TMC7: variants seen among roughly 807,000 people sequenced by gnomAD.
The protein encoded by TMC7 is transmembrane channel like 7.
A neutral mutation model predicts 82.9 loss-of-function variants in TMC7; 54 were observed. The observed-to-expected ratio is 0.65, with a 90% CI of 0.52 to 0.82. The LOEUF is 0.82. Ranked by LOEUF, TMC7 falls within the 40% of genes least tolerant of loss-of-function variation. The pLI, the probability that TMC7 is intolerant of heterozygous loss-of-function variation, is 0.00. For missense variants in TMC7, 820 were observed against 901.2 expected, an observed-to-expected ratio of 0.91 and a Z score of 1.15; for synonymous variants, 350 against 337.9, an observed-to-expected ratio of 1.04 and a Z score of -0.39.
chr16:19,060,335 G>A (rs1961948071), intron 15 of TMC7, among the ~76,000 whole-genome samples: 1 of 152,028 alleles, frequency 6.6e-6, no homozygotes, highest in African/African-American at 2.4e-5. Context: ...CTCCCAAGTA[G>A]CTGGGACTAC....
intron 12 of TMC7, among the ~76,000 whole-genome samples, chr16:19,047,543 C>A (rs954117967): frequency 6.6e-6 from 1 of 150,896 alleles, no homozygotes; most frequent in Non-Finnish European, 1.5e-5. Context: ...ACTACAGGAG[C>A]CTGCCACTGC....
intron 1 of TMC7, among the ~76,000 whole-genome samples, chr16:18,989,659 C>G (rs1486927578): frequency 6.7e-6 from 1 of 149,312 alleles, no homozygotes; most frequent in Non-Finnish European, 1.5e-5. Flanking sequence ...TCTCTGCTTT[C>G]ATGGAGCTTC....
chr16:19,042,398 C>T (rs1961053505), intron 9 of TMC7, among the ~76,000 whole-genome samples: 1 of 152,094 alleles, frequency 6.6e-6, no homozygotes, highest in African/African-American at 2.4e-5. Flanking sequence ...TGTTCTCAAA[C>T]TCCTGGGCTC....
chr16:19,030,195 C>A, intron 5 of TMC7, 29 bp from the exon 6 acceptor site: 2 of 1,601,980 alleles, frequency 1.2e-6, no homozygotes, highest in South Asian at 2.2e-5. Flanking sequence ...GCTGACCAGT[C>A]TGACTTCATG....
At position 19,062,505 on chromosome 16, in the gene TMC7, A is replaced by G. The variant is rs1962050120; in HGVS notation, c.*662A>G. 6.6e-6 allele frequency: 1 copy of G among 152,510 alleles called. No individual in the cohort carries two copies. 9.4% of individuals were successfully genotyped at this position (152,510 alleles called of 1,614,324 possible). The stretch of plus-strand genomic sequence containing the variant: ...GCTGGGTGTGGTGGCACATGCCTGT[A>G]ATATCAGCTACTCAGGAGGCTGAGG... On this transcript the variant is annotated 3_prime_UTR_variant, in exon 16 of 16. Transcript: ENST00000304381.
chr16:19,037,955 CTG>C lies in TMC7; in HGVS notation c.1089_1090del (p.Leu365GlufsTer67). 6.2e-7 allele frequency: 1 copy of C among 1,614,080 alleles called. No homozygotes were observed. Among genetic ancestry groups the C allele is most frequent in the South Asian group, 1.1e-5 (1 of 91,058 alleles). On this transcript the variant is annotated frameshift_variant, in exon 8 of 16. Transcript: ENST00000304381. LOFTEE classifies it high-confidence loss of function. ...EETIRIYSLR[L>X]FLNCIVLAVL... Reference sequence around the variant, plus strand: ...AACAATACGCATTTACTCTTTGAGACTGTTTTTGAACTGTATTGTTCTGGCTG... The same window carrying C: ...AACAATACGCATTTACTCTTTGAGACTTTTTGAACTGTATTGTTCTGGCTG...
chr16:19,059,627 C>CT, intron 15 of TMC7, 133 bp downstream of exon 15: 1 of 1,582,152 alleles, frequency 6.3e-7, no homozygotes. Flanking sequence ...AAAACTCTGC[C>CT]TTGAGGCCCA....
At chr16:18,999,298 C>T (rs1201244074) in intron 1 of TMC7, among the ~76,000 whole-genome samples, 1 of 152,224 alleles carries the variant, frequency 6.6e-6, no homozygotes, top group Admixed American at 6.5e-5. Flanking sequence ...CTGCATCCAG[C>T]CAGTCATATT....
rs1370004619 is a variant in TMC7, at chr16:19,047,160, C to T, written c.1651C>T (p.Gln551Ter). ...TAACGTCCTGGGGATAGTTTACGGG[C>T]AAACCATCTGCTGGATCGGAGCCTT... ...PDNVLGIVYGQTICWIGAFFS... is the reference protein window; with the variant it reads ...PDNVLGIVYG The change falls in exon 12 of 16, where the codon CAA (glutamine) becomes TAA (stop). Residue 551 changes from glutamine (Q) to a stop codon, truncating the protein, a stop_gained. Coordinates refer to ENST00000304381, the MANE Select transcript of TMC7 (RefSeq NM_024847.4). LOFTEE classifies it high-confidence loss of function. 3 of 1,613,890 alleles carry T rather than the reference C, an allele frequency of 1.9e-6. No homozygotes were observed. Among genetic ancestry groups the T allele is most frequent in the African/African-American group, 2.7e-5 (2 of 74,886 alleles).
intron 1 of TMC7, among the ~76,000 whole-genome samples, chr16:18,991,154 A>G (rs1386119605): frequency 2.0e-5 from 3 of 152,080 alleles, no homozygotes; most frequent in African/African-American, 7.2e-5. Flanking sequence ...TCAGCTGAAG[A>G]TTTTGGGGTA....
chr16:19,038,558 T>C (rs952045548), intron 8 of TMC7, among the ~76,000 whole-genome samples: 2 of 151,004 alleles, frequency 1.3e-5, no homozygotes, highest in African/African-American at 4.9e-5. Context: ...ACTCTGTCGC[T>C]CAGGCTGAAG....
chr16:18,984,599 T>A (rs570226252), intron 1 of TMC7: 1 of 877,062 alleles, frequency 1.1e-6, no homozygotes, highest in African/African-American at 1.8e-5. Context: ...GCTTGCCTTC[T>A]CTGAGCCTCA....
intron 1 of TMC7, among the ~76,000 whole-genome samples, chr16:18,988,065 C>G (rs920865792): frequency 1.3e-5 from 2 of 151,970 alleles, no homozygotes; most frequent in Non-Finnish European, 2.9e-5. Flanking sequence ...AACTCCTAGC[C>G]TTGATTGATC....
chr16:19,051,855 C>T, intron 13 of TMC7, 39 bp downstream of exon 13: 2 of 1,607,426 alleles, frequency 1.2e-6, no homozygotes, highest in South Asian at 2.2e-5. Context: ...TTCATTGCTT[C>T]TTGACCTCTT....
intron 3 of TMC7, among the ~76,000 whole-genome samples, chr16:19,020,914 T>A (rs2142208296): frequency 6.6e-6 from 1 of 151,898 alleles, no homozygotes; most frequent in East Asian, 1.9e-4. Flanking sequence ...TAGGAATATA[T>A]CTAAAGAATC....
At chr16:18,988,482 G>C (rs1327656206) in intron 1 of TMC7, among the ~76,000 whole-genome samples, 3 of 151,706 alleles carry the variant, frequency 2.0e-5, no homozygotes, top group Admixed American at 1.3e-4. Flanking sequence ...GTAGAGACTG[G>C]GTCTGGTTAT....
chr16:19,035,693 A>C lies in TMC7; in HGVS notation c.875A>C (p.Lys292Thr). 1 of 1,614,198 alleles carries C rather than the reference A, an allele frequency of 6.2e-7. No individual in the cohort carries two copies. Among genetic ancestry groups the C allele is most frequent in the Admixed American group, 1.7e-5 (1 of 60,016 alleles). The change falls in exon 7 of 16, where the codon AAA (lysine) becomes ACA (threonine). Residue 292 changes from lysine to threonine, a missense_variant. Lys to Thr is a moderately conservative substitution (Grantham distance 78). Coordinates refer to ENST00000304381, the MANE Select transcript of TMC7 (RefSeq NM_024847.4). ...GGGGTCAGGTCGGTGGAAGGATTCA[A>C]AATCAACCTGATTCGGAGTGAGGAG... The part of the protein sequence containing the change: ...WIVKRSVEGF[K>T]INLIRSEEHF...
chr16:18,986,678 CT>C (rs2038855798), intron 1 of TMC7, among the ~76,000 whole-genome samples: 1 of 152,216 alleles, frequency 6.6e-6, no homozygotes, highest in East Asian at 1.9e-4. Flanking sequence ...CCCTCATCAC[CT>C]TGATCCTCCC....
chr16:19,030,401 AC>A lies in TMC7; in HGVS notation c.857+36del, dbSNP rs755351338. ...TCTGCCTTTGCATTCTCTCTGAATT[AC>A]CCCTGATGGCTGGAGGCTATTGGAG... On this transcript the variant is annotated intron_variant, in intron 6 of 15. Coordinates refer to ENST00000304381, the MANE Select transcript of TMC7 (RefSeq NM_024847.4). 2.5e-6 allele frequency: 4 copies of A among 1,588,996 alleles called. No individual in the cohort carries two copies. In the South Asian group the frequency reaches 3.5e-5, roughly 14 times the overall value.
Sources: allele counts gnomAD v4.1 joint callset (sites outside exome capture counted in the v4.1 genomes callset), GRCh38; gene constraint gnomAD v4.1.1; transcripts MANE v1.5; gene names NCBI Gene and HGNC (gene_info 2026-07-23, HGNC 2026-07-21).